Variants in CATSPERE observed in about 807,000 individuals in gnomAD.
CATSPERE encodes the protein catsper channel auxiliary subunit epsilon.
In CATSPERE, 93 loss-of-function variants were observed where a neutral mutation model predicts 114.1. The ratio of observed to expected loss-of-function variants is 0.81; its 90% CI spans 0.69 to 0.97. The LOEUF is 0.97. Among genes scored for constraint, CATSPERE ranks in the 50% least tolerant of loss-of-function variants. CATSPERE has a pLI of 0.00. For missense variants in CATSPERE, 1,058 were observed against 1,131.6 expected (o/e 0.93, Z 0.93); for synonymous variants, 341 against 384.1 (o/e 0.89, Z 1.31).
At chr1:244,480,306 A>G (rs1260508492) in intron 5 of CATSPERE, among the ~76,000 whole-genome samples, 3 of 152,210 alleles carry the variant, frequency 2.0e-5, no homozygotes, top group South Asian at 2.1e-4. Context: ...TCATTCAATA[A>G]GTTAAAAAAG....
At chr1:244,625,238 G>T (rs1359956628) in intron 20 of CATSPERE, among the ~76,000 whole-genome samples, 1 of 151,080 alleles carries the variant, frequency 6.6e-6, no homozygotes, top group Non-Finnish European at 1.5e-5. Flanking sequence ...GTTGCAGAAT[G>T]AATATTGTGT....
At chr1:244,619,455 C>A (rs1388901156) in intron 20 of CATSPERE, among the ~76,000 whole-genome samples, 4 of 152,180 alleles carry the variant, frequency 2.6e-5, no homozygotes, top group African/African-American at 9.7e-5. Context: ...ATAATCAATG[C>A]AGGATTTGAA....
intron 2 of CATSPERE, among the ~76,000 whole-genome samples, chr1:244,474,979 G>A (rs770123448): frequency 3.3e-5 from 5 of 151,868 alleles, no homozygotes; most frequent in African/African-American, 1.2e-4. Context: ...CTGGGCTTAA[G>A]TGAGTTTTAT....
intron 1 of CATSPERE, among the ~76,000 whole-genome samples, chr1:244,455,532 G>T (rs1666068742): frequency 6.6e-6 from 1 of 151,102 alleles, no homozygotes; most frequent in Non-Finnish European, 1.5e-5. Context: ...AGAGCGCTAT[G>T]GTTAAAAGTC....
chr1:244,506,374 T>G (rs1674813003), intron 7 of CATSPERE, among the ~76,000 whole-genome samples: 1 of 152,230 alleles, frequency 6.6e-6, no homozygotes, highest in South Asian at 2.1e-4. Flanking sequence ...AAATATCTGC[T>G]CATATCCCTG....
chr1:244,588,149 G>A (rs1200597025), intron 13 of CATSPERE, among the ~76,000 whole-genome samples: 1 of 143,340 alleles, frequency 7.0e-6, no homozygotes, highest in South Asian at 2.2e-4. Context: ...AGCTGAGATC[G>A]CACCACTGCA....
At chr1:244,542,037 T>G (rs1658869298) in intron 8 of CATSPERE, among the ~76,000 whole-genome samples, 4 of 141,304 alleles carry the variant, frequency 2.8e-5, no homozygotes, top group Non-Finnish European at 4.6e-5. Flanking sequence ...GGGATAGCAT[T>G]GGGAGATATA....
chr1:244,596,149 A>G (rs1024328715), intron 17 of CATSPERE, among the ~76,000 whole-genome samples: 6 of 152,218 alleles, frequency 3.9e-5, no homozygotes, highest in African/African-American at 9.6e-5. Flanking sequence ...ACTTGGAATT[A>G]TAATACATTT....
intron 13 of CATSPERE, among the ~76,000 whole-genome samples, chr1:244,586,575 G>A (rs915631749): frequency 6.6e-6 from 1 of 152,158 alleles, no homozygotes; most frequent in Non-Finnish European, 1.5e-5. Context: ...CTCCCACTGT[G>A]AAGCATGCCT....
intron 8 of CATSPERE, among the ~76,000 whole-genome samples, chr1:244,521,065 A>G (rs1677460965): frequency 6.6e-6 from 1 of 152,236 alleles, no homozygotes; most frequent in Non-Finnish European, 1.5e-5. Flanking sequence ...AAATAAATTT[A>G]GCAATAGGCC....
upstream of CATSPERE, among the ~76,000 whole-genome samples, chr1:244,459,530 A>G (rs1666463109): frequency 6.6e-6 from 1 of 152,256 alleles, no homozygotes; most frequent in South Asian, 2.1e-4. Flanking sequence ...TTTATTTTGT[A>G]AACAAATCGG....
intron 11 of CATSPERE, among the ~76,000 whole-genome samples, 153 bp downstream of exon 11, chr1:244,572,925 C>G (rs568864152): frequency 3.1e-3 from 469 of 152,218 alleles, no homozygotes; most frequent in Non-Finnish European, 5.1e-3. Flanking sequence ...ATAAGCCATT[C>G]ATTCCCAAGC....
At chr1:244,457,672 T>G (rs532125312), upstream of CATSPERE, 1 of 152,330 alleles carries the variant, frequency 6.6e-6, no homozygotes, top group Admixed American at 6.5e-5. Flanking sequence ...GGGATTCTAT[T>G]TTGTGATATC....
chr1:244,585,038 G>A (rs746882149), intron 13 of CATSPERE, among the ~76,000 whole-genome samples: 3 of 152,042 alleles, frequency 2.0e-5, no homozygotes, highest in East Asian at 1.9e-4. Flanking sequence ...CCGAAGCACC[G>A]TGGTTTCCTC....
At chr1:244,524,899 AACTAGTTCAACCAT>A (rs1678270855) in intron 8 of CATSPERE, among the ~76,000 whole-genome samples, 1 of 147,102 alleles carries the variant, frequency 6.8e-6, no homozygotes, top group African/African-American at 2.7e-5. Context: ...TGGGACTGTA[AACTAGTTCAACCAT>A]TGTGGAAGTC....
chr1:244,603,751 A>G (rs1669600400), intron 17 of CATSPERE, among the ~76,000 whole-genome samples: 1 of 152,010 alleles, frequency 6.6e-6, no homozygotes, highest in Admixed American at 6.6e-5. Context: ...CACACCTGTA[A>G]TCCCAGTGCT....
chr1:244,562,404 A>G (rs1358995320), intron 10 of CATSPERE, among the ~76,000 whole-genome samples: 1 of 152,192 alleles, frequency 6.6e-6, no homozygotes, highest in Non-Finnish European at 1.5e-5. Flanking sequence ...GAAAATATGC[A>G]TATGTACACA....
At chr1:244,462,000 A>T (rs950853518) in intron 1 of CATSPERE, among the ~76,000 whole-genome samples, 6 of 152,132 alleles carry the variant, frequency 3.9e-5, no homozygotes, top group African/African-American at 1.4e-4. Context: ...AAAAATTGGT[A>T]GAGACAGGGT....
chr1:244,627,420 A>G (rs1246731224), intron 20 of CATSPERE, among the ~76,000 whole-genome samples: 1 of 152,106 alleles, frequency 6.6e-6, no homozygotes, highest in African/African-American at 2.4e-5. Flanking sequence ...CAATTTTTTA[A>G]AAAATATTAT....
Sources: allele counts gnomAD v4.1 joint callset (sites outside exome capture counted in the v4.1 genomes callset), GRCh38; gene constraint gnomAD v4.1.1; transcripts MANE v1.5; gene names NCBI Gene and HGNC (gene_info 2026-07-23, HGNC 2026-07-21).